The following TAL1 variants were observed in gnomAD, a reference collection of about 807,000 sequenced individuals.
TAL1 encodes TAL bHLH transcription factor 1, erythroid differentiation factor.
TAL1 carries 8 observed loss-of-function variants against 17.9 expected under a neutral mutation model. That is an observed-to-expected ratio of 0.45 (90% confidence interval 0.26 to 0.81). The LOEUF (loss-of-function observed/expected upper bound fraction) is 0.81, where lower values mean the gene tolerates loss of function less well. TAL1 is among the 30% of genes least tolerant of loss of function. The pLI is 0.17. For missense variants in TAL1, 466 were observed against 486.9 expected (o/e 0.96, Z 0.40); for synonymous variants, 223 against 218.6 (o/e 1.02, Z -0.18).
intron 2 of TAL1, among the ~76,000 whole-genome samples, chr1:47,225,176 C>T (rs1190587447): frequency 6.6e-6 from 1 of 152,198 alleles, no homozygotes; most frequent in African/African-American, 2.4e-5. Flanking sequence ...AAGGTGTCCA[C>T]GTCCTCCTCT....
upstream of TAL1, chr1:47,230,405 T>C (rs1481796357): frequency 6.6e-6 from 1 of 152,212 alleles, no homozygotes; most frequent in Non-Finnish European, 1.5e-5. Flanking sequence ...GGTGGACATA[T>C]AGGAATAATT....
At chr1:47,231,667 C>A (rs886803586), upstream of TAL1, 62 of 233,836 alleles carry the variant, frequency 2.7e-4, 1 homozygote, top group Non-Finnish European at 4.9e-4. Context: ...AGAATCAGAT[C>A]CCTGCTGAGA....
chr1:47,228,213 A>G (rs1258409802), intron 1 of TAL1: 2 of 169,684 alleles, frequency 1.2e-5, no homozygotes, highest in East Asian at 1.1e-4. Flanking sequence ...GCTCCTCCCC[A>G]CATTTTAGGA....
At chr1:47,230,141 T>C (rs1174900783), upstream of TAL1, 3 of 150,674 alleles carry the variant, frequency 2.0e-5, no homozygotes, top group African/African-American at 7.3e-5. Context: ...CCCTACGAAA[T>C]GATTTTCGAT....
exon 4 of TAL1, chr1:47,219,738 A>T: frequency 2.5e-6 from 4 of 1,610,068 alleles, no homozygotes; most frequent in Non-Finnish European, 3.4e-6. Context: ...GGCCGGCTCC[A>T]TCGGCGGCAG....
At chr1:47,219,959 G>T (rs774469518) in exon 4 of TAL1, 4 of 1,415,978 alleles carry the variant, frequency 2.8e-6, no homozygotes, top group African/African-American at 3.3e-5. Context: ...GTCTTGGCCC[G>T]CTGGGTGCCC....
At position 47,222,837 on chromosome 1, in the gene TAL1, C is replaced by G. The variant is rs1478628551; in HGVS notation, c.541+1167G>C. 9.9e-5 allele frequency among the ~76,000 whole-genome samples: 15 copies of G among 152,146 alleles called. No individual in the cohort carries two copies. In the East Asian group the frequency reaches 2.9e-3, roughly 29 times the overall value. On this transcript the variant is annotated intron_variant, in intron 3 of 3. Transcript: ENST00000294339. ...CCTGCACACCCCACAAACCCTCGCCCCTATGCTCTGCCTCTTCTGCCTATT... is the reference window on the plus strand; with the variant it reads ...CCTGCACACCCCACAAACCCTCGCCGCTATGCTCTGCCTCTTCTGCCTATT...
intron 2 of TAL1, among the ~76,000 whole-genome samples, chr1:47,225,169 G>A (rs924842675): frequency 6.6e-6 from 1 of 152,106 alleles, no homozygotes; most frequent in African/African-American, 2.4e-5. Context: ...ACCCGCGAAG[G>A]TGTCCACGTC....
upstream of TAL1, among the ~76,000 whole-genome samples, chr1:47,231,922 T>A (rs541900854): frequency 3.3e-5 from 5 of 152,034 alleles, no homozygotes; most frequent in South Asian, 1.0e-3. Context: ...CATTTCTGTA[T>A]ATTGCGTAAG....
intron 3 of TAL1, 146 bp downstream of exon 4, chr1:47,223,858 G>A: frequency 2.6e-6 from 2 of 759,886 alleles, no homozygotes; most frequent in Non-Finnish European, 4.5e-6. Context: ...CTCAGCTGCA[G>A]GGTGAAGGGC....
intron 1 of TAL1, chr1:47,228,175 T>G (rs2148594566): frequency 6.0e-6 from 1 of 165,548 alleles, no homozygotes; most frequent in South Asian, 2.0e-4. Flanking sequence ...TATGATTGGA[T>G]CCCAGGATCT....
At chr1:47,231,898 A>G (rs931217605), upstream of TAL1, among the ~76,000 whole-genome samples, 1 of 150,202 alleles carries the variant, frequency 6.7e-6, no homozygotes, top group African/African-American at 2.4e-5. Flanking sequence ...ATGAAAACCA[A>G]CCACAGCCTC....
chr1:47,222,056 G>A (rs1009110878), intron 3 of TAL1, among the ~76,000 whole-genome samples: 2 of 152,224 alleles, frequency 1.3e-5, no homozygotes, highest in Admixed American at 1.3e-4. Context: ...TACCCTGGGC[G>A]GCCTCTGAGG....
Position 47,216,347 on chromosome 1 carries a change from C to G in TAL1, c.*3373G>C, listed in dbSNP as rs187692559. ...CCCGATACATCCTCACATATATATA[C>G]ACATCATCACCACATGGGTTTTTTT... is the stretch of plus-strand genomic sequence containing the variant. On this transcript the variant is annotated 3_prime_UTR_variant, in exon 4 of 4. Transcript: ENST00000294339. The G allele has an allele frequency of 8.6e-4, 192 of 222,142 alleles. 1 individual carries two copies. Among genetic ancestry groups the G allele is most frequent in the South Asian group, 2.6e-3 (14 of 5,426 alleles). 13.8% of individuals were successfully genotyped at this position (222,142 alleles called of 1,614,324 possible). A position where few individuals can be genotyped will look rare whatever the true frequency, so the allele number is the denominator to read the frequency against.
At chr1:47,226,465 C>A (rs1399960224) in intron 1 of TAL1, among the ~76,000 whole-genome samples, 1 of 152,092 alleles carries the variant, frequency 6.6e-6, no homozygotes, top group Non-Finnish European at 1.5e-5. Flanking sequence ...GTGGAGGCTA[C>A]GGGGACTGGG....
At chr1:47,220,168 T>C in exon 4 of TAL1, 2 of 1,558,026 alleles carry the variant, frequency 1.3e-6, no homozygotes. Context: ...AACTTTGGTG[T>C]GGGGACCTGG....
exon 4 of TAL1, chr1:47,218,488 C>G (rs1159378376): frequency 4.3e-6 from 1 of 232,818 alleles, no homozygotes; most frequent in Admixed American, 5.6e-5. Context: ...TTGCATTAAA[C>G]CAACCTCCCA....
chr1:47,224,044 C>T, exon 3 of TAL1: 1 of 1,613,964 alleles, frequency 6.2e-7, no homozygotes, highest in Non-Finnish European at 8.5e-7. Context: ...GTCTCCTCTT[C>T]ACTCGATTGT....
upstream of TAL1, chr1:47,231,605 T>A (rs1325823953): frequency 4.3e-6 from 1 of 233,386 alleles, no homozygotes; most frequent in African/African-American, 2.2e-5. Context: ...ACGCCCGACA[T>A]AACGACGACA....
Sources: allele counts gnomAD v4.1 joint callset (sites outside exome capture counted in the v4.1 genomes callset), GRCh38; gene constraint gnomAD v4.1.1; transcripts MANE v1.5; gene names NCBI Gene and HGNC (gene_info 2026-07-23, HGNC 2026-07-21).